RCC1L: variants seen among roughly 807,000 people sequenced by gnomAD.
The protein encoded by RCC1L is RCC1-like G exchanging factor-like protein.
A neutral mutation model predicts 58.6 loss-of-function variants in RCC1L; 46 were observed. The ratio of observed to expected loss-of-function variants is 0.79; its 90% CI spans 0.62 to 1.00. RCC1L has a LOEUF of 1.00. Among genes scored for constraint, RCC1L ranks in the 50% least tolerant of loss-of-function variants. RCC1L has a pLI of 0.00. For missense variants in RCC1L, 636 were observed against 623.6 expected (o/e 1.02, Z -0.21); for synonymous variants, 281 against 262.9 (o/e 1.07, Z -0.67).
At chr7:75,057,756 C>CT in intron 7 of RCC1L, 140 bp from the exon 8 acceptor site, 1 of 792,502 alleles carries the variant, frequency 1.3e-6, no homozygotes, top group Non-Finnish European at 2.2e-6. Flanking sequence ...ACATGCCAAG[C>CT]ATCATACTAG....
intron 1 of RCC1L, among the ~76,000 whole-genome samples, 192 bp from the exon 2 acceptor site, chr7:75,070,961 T>C (rs977379401): frequency 6.6e-6 from 1 of 151,930 alleles, no homozygotes; most frequent in Non-Finnish European, 1.5e-5. Flanking sequence ...GCAATCTCCA[T>C]CTCCCAGGTT....
rs1419886250 is a variant in RCC1L at position 75,073,409 on chromosome 7, T to A, written c.324+5A>T. 5.0e-6 allele frequency: 6 copies of A among 1,205,374 alleles called. No individual in the cohort carries two copies. In the African/African-American group the frequency reaches 6.4e-5, roughly 13 times the overall value. 74.7% of individuals were successfully genotyped at this position (1,205,374 alleles called of 1,614,324 possible). On this transcript the variant is annotated splice_donor_5th_base_variant and intron_variant, in intron 1 of 10. Transcript: ENST00000610322. Reference sequence around the variant, plus strand: ...AGGAGAGAAGGAGGAAGCCGCGGCCTGCACCTTTTGGTCCAGCTCCAGGCG... The same window carrying A: ...AGGAGAGAAGGAGGAAGCCGCGGCCAGCACCTTTTGGTCCAGCTCCAGGCG...
Position 75,066,695 on chromosome 7 carries a change from A to C in RCC1L, c.552T>G (p.Ala184=), listed in dbSNP as rs1554445180. Residue 184 remains alanine, a synonymous_variant, in exon 3 of 11, where the codon GCT becomes GCG. Coordinates refer to ENST00000610322, the MANE Select transcript of RCC1L (RefSeq NM_030798.5). ...TRVLQVSCGR[A]HSLVLTDREG... is the part of the protein sequence containing the mutation. ...CCCTGTCAGTCAACACAAGAGAGTG[A>C]GCTCGGCCGCAGGAGACCTGCAGCA... 6.2e-7 allele frequency: 1 copy of C among 1,613,018 alleles called. No individual in the cohort carries two copies. The highest frequency in any genetic ancestry group is 1.3e-5 in the African/African-American group (1 of 74,862).
intron 10 of RCC1L, among the ~76,000 whole-genome samples, chr7:75,034,129 T>C (rs2131968734): frequency 6.6e-6 from 1 of 152,320 alleles, no homozygotes; most frequent in Admixed American, 6.5e-5. Context: ...TAAATGGTTT[T>C]ATGTTATGTG....
intron 8 of RCC1L, among the ~76,000 whole-genome samples, chr7:75,056,884 T>G (rs1806097811): frequency 6.6e-6 from 1 of 152,138 alleles, no homozygotes; most frequent in Non-Finnish European, 1.5e-5. Flanking sequence ...TGATCATAGC[T>G]CACTGCAGCT....
intron 10 of RCC1L, among the ~76,000 whole-genome samples, chr7:75,048,968 CA>C (rs1187054551): frequency 6.6e-6 from 1 of 152,028 alleles, no homozygotes; most frequent in South Asian, 2.1e-4. Flanking sequence ...CAACGTGTAG[CA>C]AAAAAACATG....
intron 10 of RCC1L, among the ~76,000 whole-genome samples, chr7:75,044,700 T>C (rs1270338440): frequency 6.6e-6 from 1 of 151,682 alleles, no homozygotes; most frequent in African/African-American, 2.4e-5. Context: ...TTTAACTGAT[T>C]TCTTATTAAC....
intron 1 of RCC1L, among the ~76,000 whole-genome samples, chr7:75,072,178 A>ATATATATATATATATATG (rs2115568580): frequency 1.0e-5 from 1 of 96,810 alleles, no homozygotes; most frequent in Admixed American, 1.3e-4. Flanking sequence ...ATATATATAT[A>ATATATATATATATATATG]TATATATATA....
At chr7:75,064,864 C>A in intron 3 of RCC1L, 1 of 607,832 alleles carries the variant, frequency 1.6e-6, no homozygotes, top group South Asian at 1.9e-5. Context: ...GCCCTAGATC[C>A]ACTTCTTGGG....
At position 75,042,451 on chromosome 7, in the gene RCC1L, C is replaced by T. The variant is rs1805593165; in HGVS notation, c.*581G>A. ...GGTGGGAGGCTGGGGCTGGTGCCTG[C>T]GGACAGCTCCAGATGGAATCCCAGG... On this transcript the variant is annotated 3_prime_UTR_variant, in exon 11 of 11. Coordinates refer to ENST00000610322, the MANE Select transcript of RCC1L (RefSeq NM_030798.5). 2 of 987,134 alleles carry T rather than the reference C, an allele frequency of 2.0e-6. No homozygotes were observed. Among genetic ancestry groups the T allele is most frequent in the Non-Finnish European group, 2.4e-6 (2 of 831,036 alleles). 61.1% of individuals were successfully genotyped at this position (987,134 alleles called of 1,614,324 possible). A position where few individuals can be genotyped will look rare whatever the true frequency, so the allele number is the denominator to read the frequency against.
intron 6 of RCC1L, among the ~76,000 whole-genome samples, chr7:75,059,123 G>A (rs1412985833): frequency 1.3e-5 from 2 of 149,522 alleles, no homozygotes; most frequent in Non-Finnish European, 3.0e-5. Context: ...AACCTAGGAG[G>A]TGGAGGTTCC....
intron 10 of RCC1L, among the ~76,000 whole-genome samples, chr7:75,050,204 C>T (rs1430880512): frequency 6.6e-6 from 1 of 152,120 alleles, no homozygotes; most frequent in Non-Finnish European, 1.5e-5. Context: ...ATCACTTGAA[C>T]CCGGAAGGTG....
intron 4 of RCC1L, among the ~76,000 whole-genome samples, chr7:75,063,944 A>C (rs1160624185): frequency 6.6e-6 from 1 of 151,914 alleles, no homozygotes; most frequent in Non-Finnish European, 1.5e-5. Flanking sequence ...AAAATAAATA[A>C]AAATAAAATG....
intron 10 of RCC1L, among the ~76,000 whole-genome samples, chr7:75,048,626 G>C (rs1805818146): frequency 6.6e-6 from 1 of 152,256 alleles, no homozygotes; most frequent in African/African-American, 2.4e-5. Context: ...CCCGAAGCCA[G>C]GCTGGAATGT....
intron 9 of RCC1L, among the ~76,000 whole-genome samples, 185 bp from the exon 10 acceptor site, chr7:75,052,981 C>T (rs1046594754): frequency 6.6e-6 from 1 of 151,010 alleles, no homozygotes; most frequent in African/African-American, 2.4e-5. Context: ...GTCCCCATAT[C>T]GAAAACACAT....
chr7:75,068,646 A>G (rs1171682575), intron 2 of RCC1L, among the ~76,000 whole-genome samples: 1 of 152,086 alleles, frequency 6.6e-6, no homozygotes, highest in African/African-American at 2.4e-5. Flanking sequence ...AGATCATGCC[A>G]CTGCACTCCA....
Position 75,042,836 on chromosome 7 carries a change from C to T in RCC1L, c.*196G>A, listed in dbSNP as rs1344082193. ...TCCAAGCTGAGTTCCGCAGGCCTCA[C>T]CTGCAGCTGGAGAGGGACCTTGCCC... On this transcript the variant is annotated 3_prime_UTR_variant, in exon 11 of 11. Transcript: ENST00000610322. The T allele has an allele frequency of 1.4e-6, 2 of 1,447,438 alleles. No homozygotes were observed. Among genetic ancestry groups the T allele is most frequent in the Admixed American group, 5.6e-5 (2 of 35,926 alleles). 89.7% of individuals were successfully genotyped at this position (1,447,438 alleles called of 1,614,324 possible).
chr7:75,056,560 A>G, intron 8 of RCC1L: 1 of 1,530,044 alleles, frequency 6.5e-7, no homozygotes, highest in Non-Finnish European at 8.7e-7. Flanking sequence ...CAGATATTTC[A>G]TCGTTATCCA....
chr7:75,033,733 C>T (rs1452489028), intron 10 of RCC1L, among the ~76,000 whole-genome samples: 1 of 151,546 alleles, frequency 6.6e-6, no homozygotes, highest in African/African-American at 2.4e-5. Flanking sequence ...GTGGTGCATA[C>T]CTGTAATCCC....
Sources: gnomAD v4.1 joint callset for allele counts (sites outside exome capture counted in the v4.1 genomes callset) on GRCh38, gnomAD v4.1.1 for gene constraint, MANE v1.5 for transcripts, NCBI Gene and HGNC (gene_info 2026-07-23, HGNC 2026-07-21) for gene names.